BAZ2A: variants seen among roughly 807,000 people sequenced by gnomAD.
BAZ2A encodes the protein bromodomain adjacent to zinc finger domain protein 2A.
In BAZ2A, 34 loss-of-function variants were observed where a neutral mutation model predicts 199.9. The observed-to-expected ratio is 0.17, with a 90% CI of 0.13 to 0.23. The LOEUF (loss-of-function observed/expected upper bound fraction) is 0.23, where lower values mean the gene tolerates loss of function less well. Among genes scored for constraint, BAZ2A ranks in the 10% least tolerant of loss-of-function variants. The pLI is 1.00. For synonymous variants in BAZ2A, 857 were observed against 883.9 expected (o/e 0.97, Z 0.54); for missense variants, 2,002 against 2,391.1 (o/e 0.84, Z 3.39).
In BAZ2A at chr12:56,601,260, C is replaced by T. The variant is rs751737008; in HGVS notation, c.4214G>A (p.Arg1405Lys). 1 of 1,614,052 alleles carries T rather than the reference C, an allele frequency of 6.2e-7. No homozygotes were observed. Among genetic ancestry groups the T allele is most frequent in the Non-Finnish European group, 8.5e-7 (1 of 1,179,916 alleles). The change falls in exon 21 of 29, where the codon AGA (arginine) becomes AAA (lysine). Residue 1405 changes from arginine (R) to lysine (K), a missense_variant. Arg to Lys is a conservative substitution (Grantham distance 26). This residue lies in a region of BAZ2A where 1,081 missense variants were observed against 1,274.7 expected (regional missense o/e 0.85). Transcript: ENST00000549884. ...SPTGLGQPKRRGRPPSKFFKQ... is the reference protein window; with the variant it reads ...SPTGLGQPKRKGRPPSKFFKQ... Reference sequence around the variant, plus strand: ...GAAGAACTTACTGGGAGGTCTCCCTCTCCGTTTGGGCTGTCCCAGCCCTGT... The same window carrying T: ...GAAGAACTTACTGGGAGGTCTCCCTTTCCGTTTGGGCTGTCCCAGCCCTGT...
chr12:56,606,807 C>G, intron 10 of BAZ2A, 74 bp from the exon 11 acceptor site: 1 of 1,264,014 alleles, frequency 7.9e-7, no homozygotes, highest in Non-Finnish European at 1.2e-6. Context: ...CAACACATGC[C>G]CGTCTCAAAG....
chr12:56,600,117 T>C, intron 24 of BAZ2A, 21 bp from the exon 25 acceptor site: 1 of 1,613,552 alleles, frequency 6.2e-7, no homozygotes, highest in Non-Finnish European at 8.5e-7. Flanking sequence ...AAAGTGGTGA[T>C]CTTTGGAGAA....
intron 1 of BAZ2A, among the ~76,000 whole-genome samples, chr12:56,627,462 T>G (rs1477001906): frequency 1.9e-5 from 2 of 104,622 alleles, no homozygotes; most frequent in Non-Finnish European, 3.6e-5. Context: ...CGAGACTCCA[T>G]CTCAAAAAAA....
Position 56,613,150 on chromosome 12 carries a change from CA to C in BAZ2A, c.999del (p.Val334Ter). On this transcript the variant is annotated frameshift_variant, in exon 5 of 29. Coordinates refer to ENST00000549884, the MANE Select transcript of BAZ2A (RefSeq NM_001300905.2). LOFTEE classifies it high-confidence loss of function. ...AEDKLPLEDS[P>X]VISALDCPSL... ...GAAGGGCAATCAAGGGCAGAAATCA[CA>C]GGGCTGTCCTCAAGAGGCAGCTTGT... 6.2e-7 allele frequency: 1 copy of C among 1,614,016 alleles called. No individual in the cohort carries two copies. Among genetic ancestry groups the C allele is most frequent in the Non-Finnish European group, 8.5e-7 (1 of 1,179,902 alleles).
chr12:56,614,897 C>A lies in BAZ2A; in HGVS notation c.730+117G>T, dbSNP rs1415742350. The A allele has an allele frequency of 7.3e-6, 8 of 1,091,300 alleles. No homozygotes were observed. In the East Asian group the frequency reaches 1.6e-4, roughly 21 times the overall value. The allele number at this position is 1,091,300 out of a possible 1,614,324, so 67.6% of individuals were successfully genotyped here. A position where few individuals can be genotyped will look rare whatever the true frequency, so the allele number is the denominator to read the frequency against. On this transcript the variant is annotated intron_variant, in intron 3 of 28. Transcript: ENST00000549884. ...CTGCTAATTGCTAATCACCAACATG[C>A]AAATCAGCCTCCACTGCAGAGAGCT...
At chr12:56,615,642 T>C (rs2137074326) in intron 2 of BAZ2A, 35 bp from the exon 3 acceptor site, 2 of 1,467,548 alleles carry the variant, frequency 1.4e-6, no homozygotes, top group Non-Finnish European at 1.8e-6. Flanking sequence ...CAGTTACAGA[T>C]ATGTAGGCAA....
At chr12:56,623,399 C>T (rs1226008783) in intron 1 of BAZ2A, among the ~76,000 whole-genome samples, 1 of 152,178 alleles carries the variant, frequency 6.6e-6, no homozygotes, top group East Asian at 1.9e-4. Context: ...CTGGATACTG[C>T]AGTGGTCCCT....
intron 10 of BAZ2A, among the ~76,000 whole-genome samples, chr12:56,608,018 G>A (rs1310793933): frequency 2.0e-5 from 3 of 150,774 alleles, no homozygotes; most frequent in East Asian, 3.9e-4. Flanking sequence ...AGGTTGCGGT[G>A]AGCCAAGATC....
At chr12:56,602,372 C>T (rs1886584247) in intron 19 of BAZ2A, among the ~76,000 whole-genome samples, 180 bp from the exon 20 acceptor site, 2 of 152,170 alleles carry the variant, frequency 1.3e-5, no homozygotes, top group African/African-American at 4.8e-5. Flanking sequence ...ACACTATTCT[C>T]CCAAGTAATC....
upstream of BAZ2A, chr12:56,638,073 C>A (rs1389362154): frequency 2.3e-5 from 9 of 390,478 alleles, no homozygotes; most frequent in East Asian, 4.1e-4. Flanking sequence ...AGTTAGAGAC[C>A]AGTCTTGGCA....
At chr12:56,603,028 AAT>A (rs1950229835) in intron 18 of BAZ2A, among the ~76,000 whole-genome samples, 171 bp from the exon 19 acceptor site, 2 of 152,228 alleles carry the variant, frequency 1.3e-5, no homozygotes, top group African/African-American at 4.8e-5. Context: ...TCACGCCTGT[AAT>A]CCCAGCACTT....
chr12:56,601,150 A>G (rs778001155), intron 21 of BAZ2A, 30 bp downstream of exon 21: 2 of 1,613,964 alleles, frequency 1.2e-6, no homozygotes, highest in Non-Finnish European at 8.5e-7. Flanking sequence ...CACTGCCCAC[A>G]CCGGATGCCC....
Position 56,604,252 on chromosome 12 carries a change from C to T in BAZ2A, c.3003G>A (p.Arg1001=), listed in dbSNP as rs142829361. The change falls in exon 16 of 29, where the codon AGG becomes AGA. Residue 1001 remains arginine, a synonymous_variant. Transcript: ENST00000549884. ...DKTLESMSSY[R]KNKWIVEGRL... is the part of the protein sequence containing the mutation. Reference sequence around the variant, plus strand: ...GGCCTTCAACAATCCACTTGTTTTTCCTGTAGCTGGACATACTCTCCAGAG... The same window carrying T: ...GGCCTTCAACAATCCACTTGTTTTTTCTGTAGCTGGACATACTCTCCAGAG... 13 of 1,608,894 alleles carry T rather than the reference C, an allele frequency of 8.1e-6. No homozygotes were observed. In the African/African-American group the frequency reaches 1.2e-4, roughly 15 times the overall value.
At chr12:56,637,954 T>C (rs774454040), upstream of BAZ2A, among the ~76,000 whole-genome samples, 2 of 152,194 alleles carry the variant, frequency 1.3e-5, no homozygotes, top group East Asian at 1.9e-4. Flanking sequence ...CTGCTTCTTA[T>C]AGCCACTCTA....
exon 1 of BAZ2A, chr12:56,636,319 A>G: frequency 1.1e-5 from 16 of 1,431,776 alleles, no homozygotes; most frequent in Non-Finnish European, 1.5e-5. Flanking sequence ...AAGCCAGTGT[A>G]TGCTTCCTGC....
In BAZ2A at chr12:56,600,995, G is replaced by A. The variant is rs756556577; in HGVS notation, c.4398C>T (p.His1466=). 8.1e-6 allele frequency: 13 copies of A among 1,612,578 alleles called. No individual in the cohort carries two copies. The highest frequency in any genetic ancestry group is 1.1e-5 in the Non-Finnish European group (13 of 1,179,278). The change falls in exon 22 of 29, where the codon CAC becomes CAT. Residue 1466 remains histidine, a synonymous_variant. Coordinates refer to ENST00000549884, the MANE Select transcript of BAZ2A (RefSeq NM_001300905.2). ...GCAAGAAGTCCCTGTGCTTGTTAAGGTGTTTGTGAAGTGCCTTCTCCCGGA... is the reference window on the plus strand; with the variant it reads ...GCAAGAAGTCCCTGTGCTTGTTAAGATGTTTGTGAAGTGCCTTCTCCCGGA... ...RGIREKALHK[H]LNKHRDFLQE... is the part of the protein sequence containing the mutation.
chr12:56,625,307 C>T (rs1951051860), intron 1 of BAZ2A, among the ~76,000 whole-genome samples: 1 of 151,724 alleles, frequency 6.6e-6, no homozygotes, highest in African/African-American at 2.4e-5. Flanking sequence ...AGGCGCCCAC[C>T]ATCACACCCG....
chr12:56,600,846 T>G lies in BAZ2A; in HGVS notation c.4451-14A>C, dbSNP rs1886390651. On this transcript the variant is annotated splice_polypyrimidine_tract_variant and intron_variant, in intron 22 of 28. Coordinates refer to ENST00000549884, the MANE Select transcript of BAZ2A (RefSeq NM_001300905.2). ...CAAAGATGGGGTCTGAGAAGAGAGG[T>G]GGCAGAGGGAGAGGCCCATCAGGCT... is the stretch of plus-strand genomic sequence containing the variant. 1 of 1,612,776 alleles carries G rather than the reference T, an allele frequency of 6.2e-7. No homozygotes were observed. The highest frequency in any genetic ancestry group is 8.5e-7 in the Non-Finnish European group (1 of 1,179,324).
rs769184948 is a variant in BAZ2A, at chr12:56,598,875, T to C, written c.5539A>G (p.Arg1847Gly). The change falls in exon 28 of 29, where the codon AGG becomes GGG. Residue 1847 changes from arginine (R) to glycine (G), a missense_variant. Coordinates refer to ENST00000549884, the MANE Select transcript of BAZ2A (RefSeq NM_001300905.2). ...DFSTMRERLL[R>G]GGYTSSEEFA... ...TCACCCACATCTACTTACCCTCCCC[T>C]GAGCAGCCGCTCCCGCATGGTGGAA... The C allele has an allele frequency of 7.5e-6, 12 of 1,606,644 alleles. No individual in the cohort carries two copies. The highest frequency in any genetic ancestry group is 3.3e-5 in the South Asian group (3 of 89,896).
Sources: allele counts gnomAD v4.1 joint callset (sites outside exome capture counted in the v4.1 genomes callset), GRCh38; gene constraint gnomAD v4.1.1; regional missense constraint gnomAD v4.1.1; transcripts MANE v1.5; gene names NCBI Gene and HGNC (gene_info 2026-07-23, HGNC 2026-07-21).